Variants in COL14A1 observed in about 807,000 individuals in gnomAD.
COL14A1 encodes the protein collagen type XIV alpha 1 chain.
In COL14A1, 136 loss-of-function variants were observed where a neutral mutation model predicts 230.3. The observed-to-expected ratio is 0.59, with a 90% CI of 0.51 to 0.68. COL14A1 has a LOEUF of 0.68. COL14A1 is among the 30% of genes least tolerant of loss of function. The probability of loss-of-function intolerance (pLI) is 0.00; values close to 1 mark genes in which losing one functional copy is unlikely to be tolerated. For synonymous variants in COL14A1, 792 were observed against 784.1 expected, an observed-to-expected ratio of 1.01 and a Z score of -0.17; for missense variants, 1,976 against 2,215.8, an observed-to-expected ratio of 0.89 and a Z score of 2.17.
At chr8:120,277,020 GCTAT>G (rs1219230486) in intron 26 of COL14A1, among the ~76,000 whole-genome samples, 8 of 151,970 alleles carry the variant, frequency 5.3e-5, no homozygotes, top group Non-Finnish European at 1.0e-4. Context: ...CTCGAAAGAT[GCTAT>G]CTTTACTTAT....
intron 1 of COL14A1, among the ~76,000 whole-genome samples, chr8:120,146,106 C>T (rs1815082254): frequency 6.6e-6 from 1 of 152,100 alleles, no homozygotes; most frequent in African/African-American, 2.4e-5. Context: ...CTTCTCTGTG[C>T]CTTATTGTCC....
At chr8:120,228,583 C>A in intron 17 of COL14A1, 127 bp from the exon 18 acceptor site, 1 of 686,850 alleles carries the variant, frequency 1.5e-6, no homozygotes, top group Non-Finnish European at 2.6e-6. Context: ...GTCTTCTAAC[C>A]ATTGTCATGT....
At chr8:120,288,085 G>T (rs1229428185) in intron 33 of COL14A1, among the ~76,000 whole-genome samples, 2 of 151,620 alleles carry the variant, frequency 1.3e-5, no homozygotes, top group Non-Finnish European at 2.9e-5. Flanking sequence ...CTTAAGGCAG[G>T]GGTACTAGAA....
At chr8:120,336,974 G>A (rs1406150110) in intron 42 of COL14A1, among the ~76,000 whole-genome samples, 1 of 152,132 alleles carries the variant, frequency 6.6e-6, no homozygotes, top group Non-Finnish European at 1.5e-5. Context: ...AACTATTGAT[G>A]TTTGTCTCTC....
chr8:120,370,918 T>C, intron 47 of COL14A1: 1 of 1,181,158 alleles, frequency 8.5e-7, no homozygotes, highest in South Asian at 1.6e-5. Flanking sequence ...AATATTTAAA[T>C]GGTTGGTTAT....
At chr8:120,354,517 T>G (rs1295106779) in intron 45 of COL14A1, among the ~76,000 whole-genome samples, 1 of 152,222 alleles carries the variant, frequency 6.6e-6, no homozygotes, top group Non-Finnish European at 1.5e-5. Context: ...GGATTTTCCT[T>G]TCATGTTCGC....
At chr8:120,195,694 T>C (rs528928512) in intron 5 of COL14A1, among the ~76,000 whole-genome samples, 1 of 152,264 alleles carries the variant, frequency 6.6e-6, no homozygotes, top group South Asian at 2.1e-4. Flanking sequence ...GGAATCTCCC[T>C]TTTATAAAAC....
intron 5 of COL14A1, among the ~76,000 whole-genome samples, chr8:120,169,624 T>C (rs1816034582): frequency 6.6e-6 from 1 of 152,110 alleles, no homozygotes; most frequent in Non-Finnish European, 1.5e-5. Context: ...AAATATTTTC[T>C]CCTGGTGTAT....
intron 47 of COL14A1, 60 bp downstream of exon 47, chr8:120,369,545 C>A: frequency 7.1e-7 from 1 of 1,410,760 alleles, no homozygotes; most frequent in Non-Finnish European, 9.4e-7. Context: ...ATGCTTAGTA[C>A]CAAAATGGGA....
At chr8:120,360,218 T>C (rs1399756641) in intron 45 of COL14A1, among the ~76,000 whole-genome samples, 1 of 152,196 alleles carries the variant, frequency 6.6e-6, no homozygotes, top group Non-Finnish European at 1.5e-5. Context: ...ACCAATGTAT[T>C]GCCTTGTAGC....
chr8:120,126,300 T>C (rs1814334377), intron 1 of COL14A1, among the ~76,000 whole-genome samples: 11 of 152,104 alleles, frequency 7.2e-5, no homozygotes. Flanking sequence ...TGGTGCTGGG[T>C]TCTTGGGTCC....
intron 34 of COL14A1, among the ~76,000 whole-genome samples, chr8:120,290,778 T>G (rs1373358479): frequency 6.6e-6 from 1 of 152,206 alleles, no homozygotes; most frequent in Non-Finnish European, 1.5e-5. Flanking sequence ...GTGATTTACT[T>G]TGGGGCACTT....
intron 37 of COL14A1, among the ~76,000 whole-genome samples, chr8:120,310,615 T>G (rs1450985987): frequency 6.6e-6 from 1 of 152,164 alleles, no homozygotes; most frequent in Non-Finnish European, 1.5e-5. Flanking sequence ...TTTTTCTACT[T>G]TGCACAAAGG....
intron 45 of COL14A1, among the ~76,000 whole-genome samples, chr8:120,361,719 C>T (rs1823225409): frequency 6.6e-6 from 1 of 152,112 alleles, no homozygotes; most frequent in African/African-American, 2.4e-5. Context: ...GGGCATAAAT[C>T]CTGGGAGTTC....
intron 14 of COL14A1, among the ~76,000 whole-genome samples, chr8:120,217,801 C>G (rs958701220): frequency 6.6e-6 from 1 of 151,774 alleles, no homozygotes; most frequent in African/African-American, 2.4e-5. Flanking sequence ...AATACATAAA[C>G]TACTTTCCCA....
chr8:120,179,445 A>G (rs7842537), intron 5 of COL14A1, among the ~76,000 whole-genome samples: 37,721 of 151,990 alleles, frequency 0.25, 5,074 homozygotes, highest in African/African-American at 0.35. Flanking sequence ...CACAATTGCT[A>G]CAAAGAGAAT....
intron 22 of COL14A1, among the ~76,000 whole-genome samples, chr8:120,254,382 T>A (rs958747789): frequency 1.3e-5 from 2 of 152,162 alleles, no homozygotes; most frequent in African/African-American, 4.8e-5. Context: ...CTGTAAAATC[T>A]TTTATTTTTA....
At chr8:120,313,863 CA>C in intron 37 of COL14A1, 68 bp from the exon 38 acceptor site, 1 of 935,610 alleles carries the variant, frequency 1.1e-6, no homozygotes, top group Admixed American at 2.3e-5. Flanking sequence ...TTGTCCTAAG[CA>C]GAAATATTTT....
chr8:120,361,818 C>T (rs992147360), intron 45 of COL14A1, among the ~76,000 whole-genome samples: 1 of 151,882 alleles, frequency 6.6e-6, no homozygotes, highest in Non-Finnish European at 1.5e-5. Context: ...GTCGGGGGGG[C>T]CATAAAAATG....
Sources: gnomAD v4.1 joint callset for allele counts (sites outside exome capture counted in the v4.1 genomes callset) on GRCh38, gnomAD v4.1.1 for gene constraint, MANE v1.5 for transcripts, NCBI Gene and HGNC (gene_info 2026-07-23, HGNC 2026-07-21) for gene names.